Variants in FRAS1 observed in about 807,000 individuals in gnomAD.
FRAS1 encodes extracellular matrix organizing protein FRAS1.
Under a neutral mutation model 435.2 loss-of-function variants are expected in FRAS1, and 290 were observed. That is an observed-to-expected ratio of 0.67 (90% CI 0.61 to 0.73). The LOEUF (loss-of-function observed/expected upper bound fraction) is 0.73, where lower values mean the gene tolerates loss of function less well. FRAS1 is among the 30% of genes least tolerant of loss of function. FRAS1 has a pLI of 0.00. For synonymous variants in FRAS1, 1,800 were observed against 1,851.0 expected (o/e 0.97, Z 0.71); for missense variants, 4,860 against 5,001.5 (o/e 0.97, Z 0.85).
intron 2 of FRAS1, among the ~76,000 whole-genome samples, chr4:78,079,495 A>C (rs1366260565): frequency 6.6e-6 from 1 of 152,182 alleles, no homozygotes; most frequent in Non-Finnish European, 1.5e-5. Flanking sequence ...AACTCAACTC[A>C]AACTAGCTTA....
intron 63 of FRAS1, 132 bp from the exon 64 acceptor site, chr4:78,511,142 G>T: frequency 1.4e-6 from 1 of 735,712 alleles, no homozygotes. Flanking sequence ...ATTACGTGAT[G>T]AATGAATGAA....
chr4:78,259,016 C>T (rs61272001), intron 6 of FRAS1, among the ~76,000 whole-genome samples: 4,603 of 132,086 alleles, frequency 0.035, 171 homozygotes, highest in African/African-American at 0.088. Context: ...TTCATCCATG[C>T]CCCTACAAAG....
intron 2 of FRAS1, among the ~76,000 whole-genome samples, chr4:78,131,709 G>A (rs1719693104): frequency 6.6e-6 from 1 of 152,192 alleles, no homozygotes; most frequent in African/African-American, 2.4e-5. Flanking sequence ...GCTGTGCAAA[G>A]AACACTGGAG....
intron 70 of FRAS1, among the ~76,000 whole-genome samples, chr4:78,530,712 A>G (rs1055258070): frequency 2.0e-5 from 3 of 152,190 alleles, no homozygotes; most frequent in African/African-American, 7.2e-5. Context: ...CTCTTTTGGT[A>G]CAAGTACCAT....
At chr4:78,235,302 C>T (rs1724702909) in intron 2 of FRAS1, among the ~76,000 whole-genome samples, 1 of 152,210 alleles carries the variant, frequency 6.6e-6, no homozygotes, top group African/African-American at 2.4e-5. Flanking sequence ...TGAAATTAAC[C>T]ATCACATTTG....
chr4:78,439,033 C>T lies in FRAS1; in HGVS notation c.5498C>T (p.Pro1833Leu). ...ATGATCACTCCTGCTGAAAATCCAC[C>T]TCCAGTCATTGCTTTTGCTGACCTT... ...TIMITPAENP[P>L]PVIAFADLIT... The change falls in exon 40 of 74, where the codon CCT becomes CTT. Residue 1833 changes from proline to leucine, a missense_variant. By Grantham distance (98) the Pro-to-Leu change is moderately conservative (BLOSUM62 -3). Coordinates refer to ENST00000512123, the MANE Select transcript of FRAS1 (RefSeq NM_025074.7). The T allele has an allele frequency of 6.2e-7, 1 of 1,613,528 alleles. No homozygotes were observed. The highest frequency in any genetic ancestry group is 8.5e-7 in the Non-Finnish European group (1 of 1,179,694).
chr4:78,078,995 T>C (rs1740779671), intron 2 of FRAS1, among the ~76,000 whole-genome samples: 1 of 152,132 alleles, frequency 6.6e-6, no homozygotes, highest in South Asian at 2.1e-4. Context: ...TGTTATAAAA[T>C]AAGAAGTTAC....
At chr4:78,377,965 T>A (rs1195100036) in intron 26 of FRAS1, among the ~76,000 whole-genome samples, 2 of 152,112 alleles carry the variant, frequency 1.3e-5, no homozygotes, top group African/African-American at 4.8e-5. Flanking sequence ...AAGTATACAA[T>A]TCAGTGGTTT....
intron 2 of FRAS1, among the ~76,000 whole-genome samples, chr4:78,130,516 T>A (rs1719633256): frequency 2.0e-5 from 3 of 152,168 alleles, no homozygotes; most frequent in Admixed American, 2.0e-4. Context: ...GAATCAACTT[T>A]TTCCCCCCAT....
intron 59 of FRAS1, among the ~76,000 whole-genome samples, chr4:78,490,091 A>G (rs1204394340): frequency 6.6e-6 from 1 of 152,138 alleles, no homozygotes; most frequent in Non-Finnish European, 1.5e-5. Flanking sequence ...AAAGGGATCA[A>G]TGCAACAACA....
intron 2 of FRAS1, among the ~76,000 whole-genome samples, chr4:78,078,997 A>G (rs1408073939): frequency 1.3e-5 from 2 of 152,212 alleles, no homozygotes; most frequent in African/African-American, 4.8e-5. Context: ...TTATAAAATA[A>G]GAAGTTACCT....
At chr4:78,300,073 G>A (rs1247283338) in intron 14 of FRAS1, among the ~76,000 whole-genome samples, 1 of 152,150 alleles carries the variant, frequency 6.6e-6, no homozygotes, top group Non-Finnish European at 1.5e-5. Context: ...AGTGAGTGAG[G>A]CAAAGGCATG....
At chr4:78,102,492 A>G (rs1409611221) in intron 2 of FRAS1, among the ~76,000 whole-genome samples, 2 of 152,204 alleles carry the variant, frequency 1.3e-5, no homozygotes. Context: ...CACACTGGGT[A>G]TGAACTTTAC....
intron 2 of FRAS1, among the ~76,000 whole-genome samples, chr4:78,162,404 A>G (rs1721180762): frequency 6.6e-6 from 1 of 152,190 alleles, no homozygotes; most frequent in Non-Finnish European, 1.5e-5. Context: ...TACCATAAGA[A>G]TTATTTCTTT....
chr4:78,275,319 A>T (rs565847595), intron 9 of FRAS1, among the ~76,000 whole-genome samples: 1 of 152,064 alleles, frequency 6.6e-6, no homozygotes, highest in African/African-American at 2.4e-5. Context: ...TTTACATTTA[A>T]GGTTAATATT....
intron 2 of FRAS1, among the ~76,000 whole-genome samples, chr4:78,177,088 T>G (rs1295831858): frequency 1.3e-4 from 4 of 31,046 alleles, no homozygotes; most frequent in South Asian, 1.9e-3. Context: ...GTGATGTGAG[T>G]TTTTTTTTTT....
intron 2 of FRAS1, among the ~76,000 whole-genome samples, chr4:78,226,881 G>T (rs1267994016): frequency 2.0e-5 from 3 of 151,676 alleles, no homozygotes; most frequent in Non-Finnish European, 4.4e-5. Context: ...TTATCCTTTT[G>T]GTTTTTTCTG....
chr4:78,499,236 C>T (rs1359308085), intron 60 of FRAS1, among the ~76,000 whole-genome samples: 1 of 151,896 alleles, frequency 6.6e-6, no homozygotes, highest in Non-Finnish European at 1.5e-5. Flanking sequence ...GTCCAAAGGA[C>T]CAGAGGTGAG....
intron 35 of FRAS1, among the ~76,000 whole-genome samples, chr4:78,427,308 C>G (rs144530627): frequency 3.7e-4 from 56 of 152,254 alleles, no homozygotes; most frequent in Admixed American, 1.0e-3. Context: ...CCAGGAGGCT[C>G]TCACCAAATG....
Sources: gnomAD v4.1 joint callset for allele counts (sites outside exome capture counted in the v4.1 genomes callset) on GRCh38, gnomAD v4.1.1 for gene constraint, MANE v1.5 for transcripts, NCBI Gene and HGNC (gene_info 2026-07-23, HGNC 2026-07-21) for gene names.